Variants in ZNF254 observed in about 807,000 individuals in gnomAD.
ZNF254 encodes the protein CTD-2017D11.1.
A neutral mutation model predicts 12.4 loss-of-function variants in ZNF254; 10 were observed. The ratio of observed to expected loss-of-function variants is 0.80; its 90% confidence interval spans 0.50 to 1.36. The LOEUF is 1.36. ZNF254 is among the 40% of genes most tolerant of loss of function. The probability of loss-of-function intolerance (pLI) is 0.00; values close to 1 mark genes in which losing one functional copy is unlikely to be tolerated. For missense variants in ZNF254, 996 were observed against 763.9 expected (o/e 1.30, Z -3.58); for synonymous variants, 305 against 253.4 (o/e 1.20, Z -1.93).
chr19:24,050,240 A>G (rs1436975990), intron 2 of ZNF254, among the ~76,000 whole-genome samples: 1 of 151,878 alleles, frequency 6.6e-6, no homozygotes, highest in African/African-American at 2.4e-5. Flanking sequence ...GCTCACTTCA[A>G]CCTTTGCCTC....
chr19:24,127,823 G>A lies in ZNF254; in HGVS notation c.1823G>A (p.Gly608Asp), dbSNP rs1248265507. The change falls in exon 4 of 4, where the codon GGC (glycine) becomes GAC (aspartate). Residue 608 changes from glycine to aspartate, a missense_variant. Gly to Asp is a moderately conservative substitution (Grantham distance 94, BLOSUM62 -1). Coordinates refer to ENST00000357002, the MANE Select transcript of ZNF254 (RefSeq NM_203282.4). ...GVKPYKCEEC[G>D]KAFFWSSTLT... is the part of the protein sequence containing the mutation. The stretch of plus-strand genomic sequence containing the variant: ...AAACCCTACAAATGTGAAGAATGTG[G>A]CAAAGCATTTTTCTGGTCCTCAACC... 1 of 1,613,136 alleles carries A rather than the reference G, an allele frequency of 6.2e-7. No individual in the cohort carries two copies. Among genetic ancestry groups the A allele is most frequent in the South Asian group, 1.1e-5 (1 of 91,040 alleles).
chr19:24,106,747 G>C, intron 3 of ZNF254, 104 bp downstream of exon 3: 1 of 1,085,904 alleles, frequency 9.2e-7, no homozygotes, highest in South Asian at 1.6e-5. Flanking sequence ...AAAGGAAATA[G>C]TTTCTGGGAA....
chr19:24,121,666 T>C (rs1974493395), intron 3 of ZNF254, among the ~76,000 whole-genome samples: 1 of 152,132 alleles, frequency 6.6e-6, no homozygotes, highest in African/African-American at 2.4e-5. Flanking sequence ...CAAGTGATTT[T>C]CCTGCCTCAG....
At chr19:24,078,715 A>G (rs943100373) in intron 2 of ZNF254, 2 of 152,214 alleles carry the variant, frequency 1.3e-5, no homozygotes, top group Non-Finnish European at 2.9e-5. Context: ...AGGGCCTAGC[A>G]TAGGTCAAAG....
In ZNF254 at chr19:24,036,047, C is replaced by CTCTTG. The variant is rs141784380; in HGVS notation, c.-190+2427_-190+2428insCTTGT. 1.6e-4 allele frequency among the ~76,000 whole-genome samples: 24 copies of CTCTTG among 151,192 alleles called. No individual in the cohort carries two copies. In the East Asian group the frequency reaches 4.3e-3, roughly 27 times the overall value. The stretch of plus-strand genomic sequence containing the variant: ...CAAACTGGTAAATGCAAGTATAATG[C>CTCTTG]TTTTGTTTTGTTTTGTTTTGTTTTG... On this transcript the variant is annotated intron_variant, in intron 1 of 4. Coordinates refer to the ZNF254 transcript ENST00000613065.
intron 3 of ZNF254, among the ~76,000 whole-genome samples, chr19:24,109,633 A>T (rs921678350): frequency 6.6e-6 from 1 of 152,112 alleles, no homozygotes; most frequent in Non-Finnish European, 1.5e-5. Context: ...TATGTCTACA[A>T]ATATGACCCA....
In ZNF254 at chr19:24,104,736, G is replaced by C. The variant is rs961322977; in HGVS notation, c.31-1204G>C. 3 of 152,262 alleles carry C rather than the reference G, an allele frequency of 2.0e-5. No homozygotes were observed. In the South Asian group the frequency reaches 6.2e-4, roughly 32 times the overall value. The allele number at this position is 152,262 out of a possible 1,614,324, so 9.4% of individuals were successfully genotyped here. On this transcript the variant is annotated intron_variant, in intron 1 of 3. Coordinates refer to ENST00000357002, the MANE Select transcript of ZNF254 (RefSeq NM_203282.4). The stretch of plus-strand genomic sequence containing the variant: ...TCCTTGTGGCTGATGAACATGGAGA[G>C]GGGTGGATACTCAATATTTCTGTGG...
intron 3 of ZNF254, among the ~76,000 whole-genome samples, chr19:24,111,978 CT>C (rs1973712969): frequency 6.6e-6 from 1 of 151,724 alleles, no homozygotes; most frequent in Non-Finnish European, 1.5e-5. Context: ...TCAATTTTGG[CT>C]TTTGTTCCCA....
intron 3 of ZNF254, among the ~76,000 whole-genome samples, chr19:24,120,691 C>A (rs1048515226): frequency 6.6e-6 from 1 of 151,556 alleles, no homozygotes; most frequent in African/African-American, 2.4e-5. Flanking sequence ...GAGATGGAGT[C>A]TTGCTCTGTC....
intron 2 of ZNF254, chr19:24,046,399 A>ATATATATATATATATATATATATT (rs1555750882): frequency 6.9e-6 from 1 of 145,810 alleles, no homozygotes; most frequent in Non-Finnish European, 1.5e-5. Context: ...ATATATATAT[A>ATATATATATATATATATATATATT]TGTGCAGATC....
At chr19:24,097,713 G>A (rs756562412) in intron 1 of ZNF254, among the ~76,000 whole-genome samples, 1 of 151,830 alleles carries the variant, frequency 6.6e-6, no homozygotes, top group East Asian at 1.9e-4. Flanking sequence ...CCTGGGAGGC[G>A]GAGGTTGTGG....
chr19:24,123,045 G>T (rs1389767323), intron 3 of ZNF254, among the ~76,000 whole-genome samples: 1 of 152,000 alleles, frequency 6.6e-6, no homozygotes, highest in Non-Finnish European at 1.5e-5. Flanking sequence ...TATACTTTTG[G>T]GGTTGCTGTT....
Position 24,127,508 on chromosome 19 carries a change from C to G in ZNF254, c.1508C>G (p.Ser503Ter), listed in dbSNP as rs753170366. The change falls in exon 4 of 4, where the codon TCA becomes TGA. Residue 503 changes from serine to a stop codon, truncating the protein, a stop_gained. Coordinates refer to ENST00000357002, the MANE Select transcript of ZNF254 (RefSeq NM_203282.4). LOFTEE classifies it low-confidence loss of function (END_TRUNC). The part of the protein sequence containing the change: ...EECGKSFSQS[S>*]TLTTHKIIHT... ...TGTGGCAAATCTTTTAGCCAATCCT[C>G]AACCCTTACTACACATAAGATAATT... The G allele has an allele frequency of 1.9e-6, 3 of 1,613,634 alleles. No individual in the cohort carries two copies. Among genetic ancestry groups the G allele is most frequent in the Non-Finnish European group, 2.5e-6 (3 of 1,179,874 alleles).
chr19:24,061,332 A>G (rs1971058067), intron 2 of ZNF254, among the ~76,000 whole-genome samples: 1 of 152,192 alleles, frequency 6.6e-6, no homozygotes. Flanking sequence ...CTGTCTAACA[A>G]CCACATATTT....
chr19:24,076,200 T>G (rs1034266550), intron 2 of ZNF254, among the ~76,000 whole-genome samples: 1 of 152,178 alleles, frequency 6.6e-6, no homozygotes, highest in African/African-American at 2.4e-5. Context: ...AGAATATTGA[T>G]TGGGGAAGTG....
At chr19:24,099,870 G>A (rs1014624267) in intron 1 of ZNF254, among the ~76,000 whole-genome samples, 1 of 151,978 alleles carries the variant, frequency 6.6e-6, no homozygotes, top group African/African-American at 2.4e-5. Flanking sequence ...GGTTTCTCTG[G>A]GGCTGAAGAG....
At chr19:24,045,909 A>G (rs1374055395) in intron 1 of ZNF254, among the ~76,000 whole-genome samples, 1 of 152,032 alleles carries the variant, frequency 6.6e-6, no homozygotes, top group East Asian at 1.9e-4. Context: ...TTCAGGAAAA[A>G]AAAAATTCTA....
chr19:24,103,772 C>G, intron 1 of ZNF254: 1 of 152,830 alleles, frequency 6.5e-6, no homozygotes, highest in East Asian at 1.9e-4. Context: ...GTCATCCAGG[C>G]TGGAGTCAAT....
At chr19:24,049,069 T>TCTAC (rs1244599741) in intron 2 of ZNF254, 1 of 140,678 alleles carries the variant, frequency 7.1e-6, no homozygotes, top group East Asian at 2.0e-4. Context: ...TGTCTGTCTG[T>TCTAC]CTACCTACCT....
Sources: allele counts gnomAD v4.1 joint callset (sites outside exome capture counted in the v4.1 genomes callset), GRCh38; gene constraint gnomAD v4.1.1; transcripts MANE v1.5; gene names NCBI Gene and HGNC (gene_info 2026-07-23, HGNC 2026-07-21).